Variants in SLC10A7 observed in about 807,000 individuals in gnomAD.
The protein encoded by SLC10A7 is sodium/bile acid cotransporter 7.
Under a neutral mutation model 43.2 loss-of-function variants are expected in SLC10A7, and 29 were observed. That is an observed-to-expected ratio of 0.67 (90% CI 0.50 to 0.92). SLC10A7 has a LOEUF of 0.92. Ranked by LOEUF, SLC10A7 falls within the 40% of genes least tolerant of loss-of-function variation. SLC10A7 has a pLI of 0.00. For missense variants in SLC10A7, 295 were observed against 403.2 expected (o/e 0.73, Z 2.30); for synonymous variants, 152 against 144.8 (o/e 1.05, Z -0.35).
chr4:146,500,099 T>C (rs1736259463), intron 4 of SLC10A7, among the ~76,000 whole-genome samples: 1 of 152,212 alleles, frequency 6.6e-6, no homozygotes, highest in Admixed American at 6.5e-5. Flanking sequence ...TCACTAATTA[T>C]ATGGCAAATA....
chr4:146,420,166 C>T (rs1728855621), intron 5 of SLC10A7, among the ~76,000 whole-genome samples: 1 of 152,078 alleles, frequency 6.6e-6, no homozygotes, highest in African/African-American at 2.4e-5. Context: ...CCCATGTGTT[C>T]TTCATTCATG....
chr4:146,306,632 CT>C (rs1171621982), intron 6 of SLC10A7, among the ~76,000 whole-genome samples: 2 of 151,990 alleles, frequency 1.3e-5, no homozygotes, highest in African/African-American at 4.8e-5. Context: ...TTGATTCTTT[CT>C]TCGTTAACAA....
chr4:146,280,603 A>G (rs1205487823), intron 10 of SLC10A7, among the ~76,000 whole-genome samples: 1 of 152,228 alleles, frequency 6.6e-6, no homozygotes, highest in Non-Finnish European at 1.5e-5. Flanking sequence ...GTCATGGCCT[A>G]TCCTCTGTAC....
intron 7 of SLC10A7, among the ~76,000 whole-genome samples, chr4:146,296,345 T>C (rs1337373159): frequency 1.3e-5 from 2 of 152,178 alleles, no homozygotes; most frequent in African/African-American, 4.8e-5. Context: ...AATCTACAGA[T>C]GCAGAACCCA....
At chr4:146,460,176 A>C (rs1334275424) in intron 4 of SLC10A7, among the ~76,000 whole-genome samples, 1 of 151,990 alleles carries the variant, frequency 6.6e-6, no homozygotes, top group East Asian at 1.9e-4. Context: ...TAAAACTTAA[A>C]AAGAAACTGG....
At chr4:146,450,690 A>G (rs927250396) in intron 4 of SLC10A7, among the ~76,000 whole-genome samples, 1 of 152,174 alleles carries the variant, frequency 6.6e-6, no homozygotes, top group Non-Finnish European at 1.5e-5. Flanking sequence ...AAAGTAGTAT[A>G]AGGTCTGTAT....
chr4:146,388,989 G>A (rs1738218660), intron 5 of SLC10A7, among the ~76,000 whole-genome samples: 1 of 152,156 alleles, frequency 6.6e-6, no homozygotes, highest in Non-Finnish European at 1.5e-5. Flanking sequence ...AAGCTATGCA[G>A]CCAACAAACG....
At chr4:146,329,012 T>C (rs1733351385) in intron 5 of SLC10A7, among the ~76,000 whole-genome samples, 1 of 152,212 alleles carries the variant, frequency 6.6e-6, no homozygotes, top group Admixed American at 6.5e-5. Flanking sequence ...ATAATGATAC[T>C]AAAGAAAATC....
At chr4:146,473,732 C>T (rs1733791131) in intron 4 of SLC10A7, among the ~76,000 whole-genome samples, 2 of 151,964 alleles carry the variant, frequency 1.3e-5, no homozygotes, top group Non-Finnish European at 2.9e-5. Context: ...AAATGAGTTT[C>T]TAGAAATCTT....
intron 3 of SLC10A7, 55 bp downstream of exon 3, chr4:146,509,858 T>C (rs1737290735): frequency 1.3e-6 from 2 of 1,525,554 alleles, no homozygotes; most frequent in Non-Finnish European, 1.8e-6. Context: ...GAAACAATAA[T>C]GTCTCTAGAG....
chr4:146,382,895 A>G (rs1737731827), intron 5 of SLC10A7, among the ~76,000 whole-genome samples: 1 of 151,852 alleles, frequency 6.6e-6, no homozygotes, highest in Non-Finnish European at 1.5e-5. Flanking sequence ...GGGTATCTTG[A>G]GATAGAATTA....
At chr4:146,482,406 A>C (rs1158529814) in intron 4 of SLC10A7, among the ~76,000 whole-genome samples, 2 of 152,204 alleles carry the variant, frequency 1.3e-5, no homozygotes, top group Non-Finnish European at 2.9e-5. Context: ...TAACAAATTC[A>C]TAAAGAAATA....
intron 3 of SLC10A7, among the ~76,000 whole-genome samples, 160 bp downstream of exon 3, chr4:146,509,753 T>C (rs1378979365): frequency 6.6e-6 from 1 of 152,198 alleles, no homozygotes; most frequent in Non-Finnish European, 1.5e-5. Context: ...ATGAACCTCC[T>C]TGATGAAATA....
intron 5 of SLC10A7, chr4:146,442,510 T>C: frequency 8.1e-7 from 1 of 1,239,378 alleles, no homozygotes. Context: ...TATATTGACA[T>C]AACCTCTATA....
chr4:146,353,168 G>T (rs1177078358), intron 5 of SLC10A7, among the ~76,000 whole-genome samples: 1 of 115,828 alleles, frequency 8.6e-6, no homozygotes. Flanking sequence ...AAAGAGAGAA[G>T]AATCAAATAG....
chr4:146,389,085 A>T (rs538720840), intron 5 of SLC10A7, among the ~76,000 whole-genome samples: 2 of 152,282 alleles, frequency 1.3e-5, no homozygotes, highest in Admixed American at 6.5e-5. Flanking sequence ...CAGAAAATCA[A>T]AGCTACGTGT....
Position 146,256,447 on chromosome 4 carries a change from A to G in SLC10A7, c.*44T>C, listed in dbSNP as rs1444036350. 6.3e-7 allele frequency: 1 copy of G among 1,584,674 alleles called. No individual in the cohort carries two copies. Among genetic ancestry groups the G allele is most frequent in the South Asian group, 1.1e-5 (1 of 90,424 alleles). On this transcript the variant is annotated 3_prime_UTR_variant, in exon 12 of 12. Transcript: ENST00000335472. ...GTCTTCAGAATTGCTAGTATGTACA[A>G]TCCTGTACATATATACATTGCTACA... is the stretch of plus-strand genomic sequence containing the variant.
At chr4:146,420,426 A>C (rs1473597458) in intron 5 of SLC10A7, among the ~76,000 whole-genome samples, 1 of 152,184 alleles carries the variant, frequency 6.6e-6, no homozygotes, top group Non-Finnish European at 1.5e-5. Flanking sequence ...ATAAGTATCT[A>C]AGTAAAAACC....
intron 6 of SLC10A7, among the ~76,000 whole-genome samples, chr4:146,307,178 C>T (rs1259785858): frequency 1.3e-5 from 2 of 152,136 alleles, no homozygotes; most frequent in Non-Finnish European, 2.9e-5. Flanking sequence ...TGTCCCCCAG[C>T]TCCAGCCCCA....
Sources: gnomAD v4.1 joint callset for allele counts (sites outside exome capture counted in the v4.1 genomes callset) on GRCh38, gnomAD v4.1.1 for gene constraint, MANE v1.5 for transcripts, NCBI Gene and HGNC (gene_info 2026-07-23, HGNC 2026-07-21) for gene names.